The following ERFL variants were observed in gnomAD, a reference collection of about 807,000 sequenced individuals.
The protein encoded by ERFL is ETS repressor factor like, also known as ETS domain-containing transcription factor ERF-like.
Under a neutral mutation model 27.9 loss-of-function variants are expected in ERFL, and 8 were observed. The ratio of observed to expected loss-of-function variants is 0.29; its 90% CI spans 0.17 to 0.52. ERFL has a LOEUF of 0.52. Among genes scored for constraint, ERFL ranks in the 20% least tolerant of loss-of-function variants. The probability of loss-of-function intolerance (pLI) is 0.97; values close to 1 mark genes in which losing one functional copy is unlikely to be tolerated. For synonymous variants in ERFL, 174 were observed against 202.8 expected (o/e 0.86, Z 1.21); for missense variants, 294 against 444.4 (o/e 0.66, Z 3.04).
Position 41,921,096 on chromosome 19 carries a change from G to A in ERFL, c.-14+6944C>T, listed in dbSNP as rs912893271. 1.3e-5 allele frequency among the ~76,000 whole-genome samples: 2 copies of A among 152,144 alleles called. No homozygotes were observed. The highest frequency in any genetic ancestry group is 2.9e-5 in the Non-Finnish European group (2 of 68,010). On this transcript the variant is annotated intron_variant, in intron 1 of 5. Transcript: ENST00000597630. This position sits in a 1 kb window ranked among gnomAD's most constrained non-coding sequence, Gnocchi z 4.4. The stretch of plus-strand genomic sequence containing the variant: ...GGGGAGGTGGGAGCCGCAGTGCCAC[G>A]CACCCCGCCTACCAAACAGCTCTGG...
chr19:41,925,649 C>T (rs1467282126), intron 1 of ERFL, among the ~76,000 whole-genome samples: 1 of 151,994 alleles, frequency 6.6e-6, no homozygotes, highest in Non-Finnish European at 1.5e-5. Flanking sequence ...GGTTAGGACA[C>T]AGGTGGGGAA....
chr19:41,917,268 ATCTCTCTGTC>A lies in ERFL; in HGVS notation c.-13-4346_-13-4337del, dbSNP rs1221703079. ...TTCCCCCATCTCTCTCTCTGGGTGC[ATCTCTCTGTC>A]TCTCTCTGTCTCTGTCCCTCTCTGT... On this transcript the variant is annotated intron_variant, in intron 1 of 5. Coordinates refer to ENST00000597630, the MANE Select transcript of ERFL (RefSeq NM_001365103.2). This position sits in a 1 kb window ranked among gnomAD's most constrained non-coding sequence, Gnocchi z 4.8. Among the ~76,000 whole-genome samples, 6 of 151,446 alleles carry A rather than the reference ATCTCTCTGTC, an allele frequency of 4.0e-5. No individual in the cohort carries two copies. Among genetic ancestry groups the A allele is most frequent in the Admixed American group, 6.6e-5 (1 of 15,240 alleles).
At position 41,908,720 on chromosome 19, in the gene ERFL, TG is replaced by T; in HGVS notation, c.617-45del. 5 of 1,081,172 alleles carry T rather than the reference TG, an allele frequency of 4.6e-6. No homozygotes were observed. Among genetic ancestry groups the T allele is most frequent in the Non-Finnish European group, 4.7e-6 (4 of 850,720 alleles). The allele number at this position is 1,081,172 out of a possible 1,614,324, so 67.0% of individuals were successfully genotyped here. A position where few individuals can be genotyped will look rare whatever the true frequency, so the allele number is the denominator to read the frequency against. ...GGTCAGGCTGGGGCACCTGCCTGCC[TG>T]GGGACCAGTAAAGGGGGCTGCCTCC... On this transcript the variant is annotated intron_variant, in intron 5 of 5. Coordinates refer to ENST00000597630, the MANE Select transcript of ERFL (RefSeq NM_001365103.2). This position sits in a 1 kb window ranked among gnomAD's most constrained non-coding sequence, Gnocchi z 6.7.
chr19:41,920,359 GCA>G (rs1237430811), intron 1 of ERFL, among the ~76,000 whole-genome samples: 3 of 128,512 alleles, frequency 2.3e-5, no homozygotes, highest in East Asian at 2.4e-4. Flanking sequence ...CAGACGTGAC[GCA>G]CAGACATGAC....
In ERFL at chr19:41,909,964, G is replaced by A. The variant is rs1259726541; in HGVS notation, c.201C>T (p.Tyr67=). 9.3e-6 allele frequency: 15 copies of A among 1,613,740 alleles called. No homozygotes were observed. The highest frequency in any genetic ancestry group is 2.2e-5 in the East Asian group (1 of 44,890). ...CGGGGTCTTTGATGACGAATTCCCC[G>A]TAGTCCCCCTGCCAGGCTATGACGC... ...YQGVIAWQGD[Y]GEFVIKDPDE... Residue 67 remains tyrosine, a synonymous_variant, in exon 3 of 6, where the codon TAC becomes TAT. Coordinates refer to ENST00000597630, the MANE Select transcript of ERFL (RefSeq NM_001365103.2). This position sits in a 1 kb window ranked among gnomAD's most constrained non-coding sequence, Gnocchi z 5.2.
chr19:41,920,043 TCA>T (rs1276218286), intron 1 of ERFL, among the ~76,000 whole-genome samples: 2 of 103,838 alleles, frequency 1.9e-5, no homozygotes, highest in Non-Finnish European at 3.7e-5. Context: ...CATGATACGC[TCA>T]CAGACATGAC....
chr19:41,915,953 CG>C (rs1398555872), intron 1 of ERFL, among the ~76,000 whole-genome samples: 245 of 152,140 alleles, frequency 1.6e-3, no homozygotes, highest in African/African-American at 5.7e-3. Context: ...CCCCGCCGGC[CG>C]GCGTGGTGCG....
intron 1 of ERFL, among the ~76,000 whole-genome samples, chr19:41,919,306 AG>A (rs2074823524): frequency 6.6e-6 from 1 of 152,188 alleles, no homozygotes; most frequent in Non-Finnish European, 1.5e-5. Flanking sequence ...CTTCGGCACA[AG>A]TTCACAGAAG....
rs193116144 is a variant in ERFL, at chr19:41,921,613, G to T, written c.-14+6427C>A. On this transcript the variant is annotated intron_variant, in intron 1 of 5. Coordinates refer to ENST00000597630, the MANE Select transcript of ERFL (RefSeq NM_001365103.2). This position sits in a 1 kb window ranked among gnomAD's most constrained non-coding sequence, Gnocchi z 4.4. ...AGAAAGCTGGAGGTCACGGGAGAGC[G>T]AGGGCCGCACCGGAGACCCTGGGTT... 6.6e-6 allele frequency among the ~76,000 whole-genome samples: 1 copy of T among 152,116 alleles called. No individual in the cohort carries two copies.
chr19:41,913,623 C>T (rs1161277987), intron 1 of ERFL, among the ~76,000 whole-genome samples: 2 of 151,618 alleles, frequency 1.3e-5, no homozygotes, highest in Admixed American at 6.6e-5. Context: ...CCCTGAAGAC[C>T]CCTGTCACTT....
At chr19:41,920,405 C>T (rs182834904) in intron 1 of ERFL, among the ~76,000 whole-genome samples, 1 of 138,328 alleles carries the variant, frequency 7.2e-6, no homozygotes, top group East Asian at 2.2e-4. Context: ...AGATGTGACA[C>T]ACTCACAGAC....
At chr19:41,920,906 CCTCT>C (rs1373344603) in intron 1 of ERFL, among the ~76,000 whole-genome samples, 123 of 152,340 alleles carry the variant, frequency 8.1e-4, no homozygotes, top group African/African-American at 2.8e-3. Context: ...CACCCCCCTC[CCTCT>C]GTCTCTCCCT....
At position 41,916,264 on chromosome 19, in the gene ERFL, A is replaced by G. The variant is rs1002206079; in HGVS notation, c.-13-3332T>C. 2.2e-5 allele frequency among the ~76,000 whole-genome samples: 3 copies of G among 136,370 alleles called. No individual in the cohort carries two copies. The highest frequency in any genetic ancestry group is 1.1e-4 in the African/African-American group (3 of 26,856). The allele number at this position is 136,370 out of a possible 152,430, so 89.5% of individuals were successfully genotyped here. A position where few individuals can be genotyped will look rare whatever the true frequency, so the allele number is the denominator to read the frequency against. ...CACACCATCACATACCACACACTGC[A>G]TGAGCCCACATGTCAACAAAGTCAC... On this transcript the variant is annotated intron_variant, in intron 1 of 5. Transcript: ENST00000597630. This position sits in a 1 kb window ranked among gnomAD's most constrained non-coding sequence, Gnocchi z 5.4.
intron 1 of ERFL, among the ~76,000 whole-genome samples, chr19:41,918,445 C>A (rs1248421046): frequency 6.8e-6 from 1 of 147,560 alleles, no homozygotes; most frequent in African/African-American, 2.5e-5. Context: ...CATAAATACA[C>A]CACACATGCA....
Position 41,909,799 on chromosome 19 carries a change from G to A in ERFL, c.302+64C>T. 2.0e-6 allele frequency: 3 copies of A among 1,486,800 alleles called. No individual in the cohort carries two copies. Among genetic ancestry groups the A allele is most frequent in the Non-Finnish European group, 1.8e-6 (2 of 1,107,556 alleles). The allele number at this position is 1,486,800 out of a possible 1,614,324, so 92.1% of individuals were successfully genotyped here. A position where few individuals can be genotyped will look rare whatever the true frequency, so the allele number is the denominator to read the frequency against. The stretch of plus-strand genomic sequence containing the variant: ...AGGAACCTGCCCCAGGATGCAGAGG[G>A]GGCACCAGAGGGACAGTTGGGGGAA... On this transcript the variant is annotated intron_variant, in intron 3 of 5. Transcript: ENST00000597630. The surrounding 1 kb of genome is among the most constrained non-coding windows in gnomAD (Gnocchi z 5.2).
intron 1 of ERFL, among the ~76,000 whole-genome samples, chr19:41,925,614 G>A (rs746360841): frequency 1.4e-4 from 21 of 152,110 alleles, no homozygotes; most frequent in Non-Finnish European, 2.5e-4. Flanking sequence ...ACTAGTGTGT[G>A]GATTGGTGAT....
At chr19:41,920,352 A>G (rs1437088217) in intron 1 of ERFL, among the ~76,000 whole-genome samples, 3 of 142,874 alleles carry the variant, frequency 2.1e-5, no homozygotes, top group African/African-American at 7.9e-5. Flanking sequence ...ATGCACTCAG[A>G]CGTGACGCAC....
chr19:41,926,972 C>A (rs950328492), intron 1 of ERFL, among the ~76,000 whole-genome samples: 3 of 150,642 alleles, frequency 2.0e-5, no homozygotes, highest in African/African-American at 7.4e-5. Flanking sequence ...GAAAGAGATG[C>A]CGAGAAAGGA....
chr19:41,922,892 T>C (rs1335893353), intron 1 of ERFL, among the ~76,000 whole-genome samples: 1 of 152,082 alleles, frequency 6.6e-6, no homozygotes, highest in Non-Finnish European at 1.5e-5. Context: ...CCACACCGGG[T>C]CCCATGCCCA....
Sources: gnomAD v4.1 joint callset for allele counts (sites outside exome capture counted in the v4.1 genomes callset) on GRCh38, gnomAD v4.1.1 for gene constraint, Gnocchi (gnomAD v3.1) non-coding constraint, MANE v1.5 for transcripts, NCBI Gene and HGNC (gene_info 2026-07-23, HGNC 2026-07-21) for gene names.